Variants in EBF2 observed in about 807,000 individuals in gnomAD.
The protein encoded by EBF2 is EBF transcription factor 2.
A neutral mutation model predicts 72.8 loss-of-function variants in EBF2; 21 were observed. That is an observed-to-expected ratio of 0.29 (90% CI 0.20 to 0.42). The LOEUF (loss-of-function observed/expected upper bound fraction) is 0.42, where lower values mean the gene tolerates loss of function less well. Among genes scored for constraint, EBF2 ranks in the 10% least tolerant of loss-of-function variants. The pLI is 1.00. For synonymous variants in EBF2, 299 were observed against 274.2 expected, an observed-to-expected ratio of 1.09 and a Z score of -0.89; for missense variants, 637 against 731.2, an observed-to-expected ratio of 0.87 and a Z score of 1.49.
chr8:25,852,838 A>G (rs1006667044), intron 14 of EBF2, among the ~76,000 whole-genome samples: 2 of 152,008 alleles, frequency 1.3e-5, no homozygotes, highest in Admixed American at 6.5e-5. Flanking sequence ...TACTATGTTT[A>G]TCTGTTTCAT....
chr8:25,858,717 T>A (rs1306108114), intron 13 of EBF2, among the ~76,000 whole-genome samples: 1 of 141,096 alleles, frequency 7.1e-6, no homozygotes, highest in Non-Finnish European at 1.5e-5. Context: ...TGGAGTACAG[T>A]GGCACGATCT....
chr8:25,989,503 T>C (rs1467500051), intron 6 of EBF2, among the ~76,000 whole-genome samples: 1 of 152,246 alleles, frequency 6.6e-6, no homozygotes, highest in African/African-American at 2.4e-5. Flanking sequence ...GCTCTGATTC[T>C]TTAAATAAAT....
At chr8:25,992,548 T>C (rs901744628) in intron 6 of EBF2, among the ~76,000 whole-genome samples, 1 of 151,986 alleles carries the variant, frequency 6.6e-6, no homozygotes, top group Non-Finnish European at 1.5e-5. Flanking sequence ...GTGTCGTTTG[T>C]ATTAAAGCCA....
intron 14 of EBF2, among the ~76,000 whole-genome samples, chr8:25,854,238 CAA>C (rs372818134): frequency 2.0e-4 from 27 of 137,384 alleles, no homozygotes; most frequent in Admixed American, 4.4e-4. Context: ...CCCCCACCTC[CAA>C]AAAAAAAAAA....
chr8:25,972,313 C>T (rs1489143836), intron 6 of EBF2, among the ~76,000 whole-genome samples: 2 of 152,090 alleles, frequency 1.3e-5, no homozygotes, highest in Non-Finnish European at 2.9e-5. Flanking sequence ...AGGCACCATC[C>T]CTCACCTTGG....
intron 6 of EBF2, among the ~76,000 whole-genome samples, chr8:25,970,857 G>A (rs779969552): frequency 6.6e-6 from 1 of 152,076 alleles, no homozygotes; most frequent in Non-Finnish European, 1.5e-5. Context: ...TTTAGAGACA[G>A]GATTTTGCTC....
chr8:25,889,843 C>T lies in EBF2; in HGVS notation c.660G>A (p.Val220=), dbSNP rs1393419590. 6.2e-7 allele frequency: 1 copy of T among 1,613,914 alleles called. No homozygotes were observed. Among genetic ancestry groups the T allele is most frequent in the Admixed American group, 1.7e-5 (1 of 60,002 alleles). The change falls in exon 8 of 16, where the codon GTG becomes GTA. Residue 220 remains valine, a synonymous_variant. Coordinates refer to ENST00000520164, the MANE Select transcript of EBF2 (RefSeq NM_022659.4). ...CAGAAACAGCCAGGACGTGTCCATC[C>T]ACATTCACCGTTGTTGACAACACAA... is the stretch of plus-strand genomic sequence containing the variant. The part of the protein sequence containing the change: ...FQVVLSTTVN[V]DGHVLAVSDN...
At position 26,030,879 on chromosome 8, in the gene EBF2, G is replaced by A. The variant is rs117094185; in HGVS notation, c.551+2206C>T. Reference sequence around the variant, plus strand: ...GCATGCTAGCACAAACTATGAAGGCGCCTAATATGAAAATCTTTTCTTTCT... The same window carrying A: ...GCATGCTAGCACAAACTATGAAGGCACCTAATATGAAAATCTTTTCTTTCT... On this transcript the variant is annotated intron_variant, in intron 6 of 15. Coordinates refer to ENST00000520164, the MANE Select transcript of EBF2 (RefSeq NM_022659.4). Among the ~76,000 whole-genome samples, 1,501 of 152,130 alleles carry A rather than the reference G, an allele frequency of 9.9e-3. 14 individuals carry two copies. The highest frequency in any genetic ancestry group is 0.014 in the Non-Finnish European group (972 of 67,998).
intron 7 of EBF2, among the ~76,000 whole-genome samples, chr8:25,892,956 T>C (rs993427318): frequency 6.6e-6 from 1 of 152,190 alleles, no homozygotes; most frequent in African/African-American, 2.4e-5. Flanking sequence ...AAAGTTCCTA[T>C]CATAGTGGCA....
At chr8:26,019,417 C>G (rs1280762490) in intron 6 of EBF2, among the ~76,000 whole-genome samples, 2 of 152,166 alleles carry the variant, frequency 1.3e-5, no homozygotes, top group African/African-American at 2.4e-5. Flanking sequence ...CAGAATAGAT[C>G]TCAATCCAAG....
intron 7 of EBF2, among the ~76,000 whole-genome samples, chr8:25,891,843 G>A (rs1044211948): frequency 6.6e-6 from 1 of 152,116 alleles, no homozygotes; most frequent in African/African-American, 2.4e-5. Context: ...CGCCCAAAGT[G>A]CTGGGATTAC....
intron 5 of EBF2, among the ~76,000 whole-genome samples, chr8:26,036,816 G>C (rs1208825483): frequency 1.3e-5 from 2 of 151,996 alleles, no homozygotes; most frequent in Non-Finnish European, 2.9e-5. Flanking sequence ...TAGTTAAAAG[G>C]CTTTTAGGAT....
At chr8:25,976,798 T>A (rs778254048) in intron 6 of EBF2, among the ~76,000 whole-genome samples, 1 of 152,018 alleles carries the variant, frequency 6.6e-6, no homozygotes, top group Non-Finnish European at 1.5e-5. Flanking sequence ...AAACATGGAC[T>A]CTTAAGCCTC....
chr8:25,941,847 TG>T (rs1462089388), intron 6 of EBF2, among the ~76,000 whole-genome samples: 2 of 152,182 alleles, frequency 1.3e-5, no homozygotes, highest in African/African-American at 4.8e-5. Context: ...GATAAACACG[TG>T]GAAATGCAAT....
At chr8:25,928,234 T>C (rs1803417775) in intron 6 of EBF2, among the ~76,000 whole-genome samples, 1 of 152,190 alleles carries the variant, frequency 6.6e-6, no homozygotes, top group Admixed American at 6.5e-5. Context: ...CTTTAGACTG[T>C]TGCCATCTAA....
chr8:26,012,592 A>C lies in EBF2; in HGVS notation c.551+20493T>G, dbSNP rs79677086. Among the ~76,000 whole-genome samples the C allele has an allele frequency of 2.0e-3, 307 of 152,300 alleles. 4 individuals are homozygous for C. The East Asian group carries it at 0.05, about 25-fold the overall frequency. ...ATGAAATCTATTAAGACAAAGATGA[A>C]GTGTGTGCAGAGATGGGCAGATAAG... On this transcript the variant is annotated intron_variant, in intron 6 of 15. Transcript: ENST00000520164.
intron 6 of EBF2, among the ~76,000 whole-genome samples, chr8:25,950,542 C>T (rs984680929): frequency 1.2e-4 from 18 of 152,196 alleles, no homozygotes; most frequent in Admixed American, 1.2e-3. Flanking sequence ...CATCCAGTCG[C>T]ATCAAAGAGG....
chr8:25,936,855 G>A (rs1033406145), intron 6 of EBF2, among the ~76,000 whole-genome samples: 3 of 152,156 alleles, frequency 2.0e-5, no homozygotes, highest in Non-Finnish European at 2.9e-5. Context: ...ATCTTCATCT[G>A]TGTTTCATGC....
Position 25,862,806 on chromosome 8 carries a change from G to A in EBF2, c.1010-9C>T. The A allele has an allele frequency of 1.3e-6, 2 of 1,573,370 alleles. No individual in the cohort carries two copies. Among genetic ancestry groups the A allele is most frequent in the Non-Finnish European group, 8.6e-7 (1 of 1,159,262 alleles). ...GGTGGGTTCATTTAATGCTGAAAGAGAAAAGTCCTCTTTCTGAGTTGGTAT... is the reference window on the plus strand; with the variant it reads ...GGTGGGTTCATTTAATGCTGAAAGAAAAAAGTCCTCTTTCTGAGTTGGTAT... On this transcript the variant is annotated splice_polypyrimidine_tract_variant and intron_variant, in intron 10 of 15. Transcript: ENST00000520164.
Sources: allele counts gnomAD v4.1 joint callset (sites outside exome capture counted in the v4.1 genomes callset), GRCh38; gene constraint gnomAD v4.1.1; transcripts MANE v1.5; gene names NCBI Gene and HGNC (gene_info 2026-07-23, HGNC 2026-07-21).